The following ZNF805 variants were observed in gnomAD, a reference collection of about 807,000 sequenced individuals.
ZNF805 encodes CTC-444N24.8.
A neutral mutation model predicts 13.6 loss-of-function variants in ZNF805; 7 were observed. The observed-to-expected ratio is 0.51, with a 90% confidence interval of 0.29 to 0.97. The LOEUF (loss-of-function observed/expected upper bound fraction) is 0.97. ZNF805 is among the 50% of genes least tolerant of loss of function. The probability of loss-of-function intolerance (pLI) is 0.08; values close to 1 mark genes in which losing one functional copy is unlikely to be tolerated. For synonymous variants in ZNF805, 293 were observed against 279.8 expected, an observed-to-expected ratio of 1.05 and a Z score of -0.47; for missense variants, 604 against 771.0, an observed-to-expected ratio of 0.78 and a Z score of 2.57.
Position 57,240,863 on chromosome 19 carries a change from C to T in ZNF805, c.-29C>T. 1.9e-6 allele frequency: 3 copies of T among 1,547,476 alleles called. No homozygotes were observed. Among genetic ancestry groups the T allele is most frequent in the Non-Finnish European group, 2.6e-6 (3 of 1,144,538 alleles). ...AGACCCGCCCTGCTCGCCGCAGCCC[C>T]CGCCCCGCTAGGGCCACAGGGTCCC... is the stretch of plus-strand genomic sequence containing the variant. On this transcript the variant is annotated 5_prime_UTR_variant, in exon 1 of 4. Coordinates refer to ENST00000414468, the MANE Select transcript of ZNF805 (RefSeq NM_001023563.4).
rs192871100 is a variant in ZNF805 at position 57,256,261 on chromosome 19, T to C, written c.*1558T>C. 5.9e-5 allele frequency among the ~76,000 whole-genome samples: 9 copies of C among 152,284 alleles called. No individual in the cohort carries two copies. The highest frequency in any genetic ancestry group is 5.9e-4 in the Admixed American group (9 of 15,298). Reference sequence around the variant, plus strand: ...TAGTATTTTGTTGAGGAAGCTTTCCTCTGATTTCATGAGTGATAATCTGTA... The same window carrying C: ...TAGTATTTTGTTGAGGAAGCTTTCCCCTGATTTCATGAGTGATAATCTGTA... On this transcript the variant is annotated 3_prime_UTR_variant, in exon 4 of 4. Transcript: ENST00000414468.
intron 1 of ZNF805, 65 bp downstream of exon 1, chr19:57,240,986 C>T: frequency 6.6e-7 from 1 of 1,521,892 alleles, no homozygotes; most frequent in East Asian, 2.5e-5. Context: ...CTGGGCAGGC[C>T]GGAAGCCAAG....
chr19:57,249,415 A>G (rs1036024908), intron 3 of ZNF805, among the ~76,000 whole-genome samples: 3 of 152,240 alleles, frequency 2.0e-5, no homozygotes, highest in African/African-American at 4.8e-5. Flanking sequence ...TTTATAAAAA[A>G]CAAAAAAGAA....
At chr19:57,249,647 T>C (rs1912944957) in intron 3 of ZNF805, among the ~76,000 whole-genome samples, 1 of 152,028 alleles carries the variant, frequency 6.6e-6, no homozygotes, top group African/African-American at 2.4e-5. Flanking sequence ...TTTCCACTTA[T>C]ATTCTGCCTA....
At chr19:57,245,427 G>A (rs1864033270) in intron 2 of ZNF805, among the ~76,000 whole-genome samples, 2 of 152,050 alleles carry the variant, frequency 1.3e-5, no homozygotes, top group South Asian at 4.1e-4. Context: ...TCTCAAACAG[G>A]GACGATGTTG....
Position 57,240,698 on chromosome 19 carries a change from G to A in ZNF805, c.-194G>A. Reference sequence around the variant, plus strand: ...TGGCCGCCTCCCTGGCGGCGCTGGGGAAATGAGCAGGTAGGAGGCCGACAG... The same window carrying A: ...TGGCCGCCTCCCTGGCGGCGCTGGGAAAATGAGCAGGTAGGAGGCCGACAG... On this transcript the variant is annotated 5_prime_UTR_variant, in exon 1 of 4. Coordinates refer to ENST00000414468, the MANE Select transcript of ZNF805 (RefSeq NM_001023563.4). The A allele has an allele frequency of 1.9e-6, 1 of 520,654 alleles. No individual in the cohort carries two copies. The highest frequency in any genetic ancestry group is 3.4e-6 in the Non-Finnish European group (1 of 295,150). 32.3% of individuals were successfully genotyped at this position (520,654 alleles called of 1,614,324 possible).
At chr19:57,245,562 A>G (rs4516330) in intron 2 of ZNF805, among the ~76,000 whole-genome samples, 61,343 of 148,258 alleles carry the variant, frequency 0.41, 13,498 homozygotes, top group African/African-American at 0.54. Context: ...GGCGGATCAC[A>G]AGGTCAGGAG....
At chr19:57,245,637 G>A (rs1270745790) in intron 2 of ZNF805, among the ~76,000 whole-genome samples, 1 of 150,030 alleles carries the variant, frequency 6.7e-6, no homozygotes, top group African/African-American at 2.5e-5. Context: ...AAATTAGCCG[G>A]GCGTGGTGGC....
intron 2 of ZNF805, among the ~76,000 whole-genome samples, chr19:57,247,313 A>C (rs994661353): frequency 3.3e-5 from 5 of 152,152 alleles, no homozygotes; most frequent in South Asian, 2.1e-4. Flanking sequence ...CCTGAGGATG[A>C]ATCCTCCAGC....
rs1190504833 is a variant in ZNF805 at position 57,254,680 on chromosome 19, A to C, written c.1861A>C (p.Thr621Pro). 1 of 1,612,050 alleles carries C rather than the reference A, an allele frequency of 6.2e-7. No homozygotes were observed. The change falls in exon 4 of 4, where the codon ACC (threonine) becomes CCC (proline). Residue 621 changes from threonine to proline, a missense_variant. This residue lies in a region of ZNF805 where 49 missense variants were observed against 40.0 expected (regional missense o/e 1.23). Transcript: ENST00000414468. ...ATCTGATCGTACATACCAAAGAGAA[A>C]CCCCACAAGTGTCTTCACTGTGAGA... ...MASDRTYQRE[T>P]PQVSSL
intron 2 of ZNF805, among the ~76,000 whole-genome samples, chr19:57,247,386 C>A (rs755770553): frequency 7.2e-5 from 11 of 152,176 alleles, no homozygotes; most frequent in Non-Finnish European, 1.2e-4. Flanking sequence ...TTCCTCCTTA[C>A]TGTATTTCTT....
In ZNF805 at chr19:57,253,167, T is replaced by G; in HGVS notation, c.348T>G (p.Ala116=). Residue 116 remains alanine, a synonymous_variant, in exon 4 of 4, where the codon GCT becomes GCG. Coordinates refer to ENST00000414468, the MANE Select transcript of ZNF805 (RefSeq NM_001023563.4). This position sits in a 1 kb window ranked among gnomAD's most constrained non-coding sequence, Gnocchi z 4.4. ...ISFWGQLTQG[A]SGDSQLGQPK... ...TTTGGGGACAACTAACACAAGGAGC[T>G]TCAGGGGACTCCCAGTTGGGGCAAC... The G allele has an allele frequency of 6.4e-7, 1 of 1,556,776 alleles. No homozygotes were observed. Among genetic ancestry groups the G allele is most frequent in the Non-Finnish European group, 8.7e-7 (1 of 1,151,354 alleles).
At chr19:57,248,155 C>T (rs138526897) in intron 2 of ZNF805, among the ~76,000 whole-genome samples, 14 of 150,294 alleles carry the variant, frequency 9.3e-5, no homozygotes, top group East Asian at 2.0e-4. Context: ...GGGCAACAGA[C>T]GCATTTAGTC....
At position 57,253,488 on chromosome 19, in the gene ZNF805, G is replaced by A; in HGVS notation, c.669G>A (p.Arg223=). The A allele has an allele frequency of 6.2e-7, 1 of 1,606,238 alleles. No homozygotes were observed. The highest frequency in any genetic ancestry group is 1.1e-5 in the South Asian group (1 of 90,142). ...AACGCCTGCTTGCTCGGCATGAGAG[G>A]ATTCACTCTGGAGTGAAGCCCTATG... ...NKKRLLARHE[R]IHSGVKPYEC... The change falls in exon 4 of 4, where the codon AGG becomes AGA. Residue 223 remains arginine, a synonymous_variant. Transcript: ENST00000414468. The surrounding 1 kb of genome is among the most constrained non-coding windows in gnomAD (Gnocchi z 4.4).
At position 57,240,786 on chromosome 19, in the gene ZNF805, C is replaced by A; in HGVS notation, c.-106C>A. The stretch of plus-strand genomic sequence containing the variant: ...GTAACGAGAGAGTTTGACTGTCAGC[C>A]AAGGTCACCGGGCCCGGCGCAGGGA... On this transcript the variant is annotated 5_prime_UTR_variant, in exon 1 of 4. Transcript: ENST00000414468. 1 of 1,128,442 alleles carries A rather than the reference C, an allele frequency of 8.9e-7. No homozygotes were observed. The highest frequency in any genetic ancestry group is 1.2e-6 in the Non-Finnish European group (1 of 804,376). 69.9% of individuals were successfully genotyped at this position (1,128,442 alleles called of 1,614,324 possible).
chr19:57,253,784 A>G lies in ZNF805; in HGVS notation c.965A>G (p.Lys322Arg), dbSNP rs182696296. The change falls in exon 4 of 4, where the codon AAA (lysine) becomes AGA (arginine). Residue 322 changes from lysine (K) to arginine (R), a missense_variant. By Grantham distance (26) the Lys-to-Arg change is conservative. Transcript: ENST00000414468. The surrounding 1 kb of genome is among the most constrained non-coding windows in gnomAD (Gnocchi z 4.4). ...EKPFVCKECG[K>R]AFRDRPGFIR... ...CCCTTTGTGTGCAAAGAGTGTGGCA[A>G]AGCCTTTCGAGATAGGCCAGGTTTC... 3.1e-3 allele frequency: 4,960 copies of G among 1,613,906 alleles called. 12 individuals are homozygous for G. The highest frequency in any genetic ancestry group is 3.8e-3 in the Non-Finnish European group (4,465 of 1,179,984).
intron 3 of ZNF805, among the ~76,000 whole-genome samples, chr19:57,250,493 A>G (rs1392023484): frequency 1.3e-5 from 2 of 152,082 alleles, no homozygotes; most frequent in African/African-American, 4.8e-5. Flanking sequence ...CGGCCTCCCA[A>G]AGTGCTGGGA....
chr19:57,254,051 G>C lies in ZNF805; in HGVS notation c.1232G>C (p.Arg411Pro), dbSNP rs766692795. Residue 411 changes from arginine to proline, a missense_variant, in exon 4 of 4, where the codon CGA becomes CCA. By Grantham distance (103) the Arg-to-Pro change is moderately radical. Coordinates refer to ENST00000414468, the MANE Select transcript of ZNF805 (RefSeq NM_001023563.4). ...CLECGKAFNH[R>P]SYLKRHQRIH... is the part of the protein sequence containing the mutation. ...GAGTGTGGGAAGGCTTTCAACCACC[G>C]ATCCTACCTCAAAAGGCACCAGCGG... The C allele has an allele frequency of 4.3e-6, 7 of 1,612,216 alleles. No individual in the cohort carries two copies. The highest frequency in any genetic ancestry group is 1.7e-6 in the Non-Finnish European group (2 of 1,179,466).
rs2087729817 is a variant in ZNF805 at position 57,262,361 on chromosome 19, A to G, written c.*7658A>G. ...ACCATTGTAACCAAGAAAAAAAAAA[A>G]AAGTCAGAGTCACAGTGAAAATACT... is the stretch of plus-strand genomic sequence containing the variant. On this transcript the variant is annotated 3_prime_UTR_variant, in exon 4 of 4. Coordinates refer to ENST00000414468, the MANE Select transcript of ZNF805 (RefSeq NM_001023563.4). 6.0e-6 allele frequency: 1 copy of G among 166,818 alleles called. No homozygotes were observed. The allele number at this position is 166,818 out of a possible 1,614,324, so 10.3% of individuals were successfully genotyped here.
Sources: allele counts gnomAD v4.1 joint callset (sites outside exome capture counted in the v4.1 genomes callset), GRCh38; gene constraint gnomAD v4.1.1; regional missense constraint gnomAD v4.1.1; non-coding constraint Gnocchi (gnomAD v3.1); transcripts MANE v1.5; gene names NCBI Gene and HGNC (gene_info 2026-07-23, HGNC 2026-07-21).